Variants in EYS observed in about 807,000 individuals in gnomAD.
EYS encodes the protein EGF-like photoreceptor maintenance factor.
In EYS, 250 loss-of-function variants were observed where a neutral mutation model predicts 282.1. That is an observed-to-expected ratio of 0.89 (90% CI 0.80 to 0.98). The LOEUF is 0.98. Ranked by LOEUF, EYS falls within the 50% of genes least tolerant of loss-of-function variation. The pLI is 0.00. For synonymous variants in EYS, 1,355 were observed against 1,282.9 expected (o/e 1.06, Z -1.20); for missense variants, 4,016 against 3,709.0 (o/e 1.08, Z -2.15).
intron 2 of EYS, among the ~76,000 whole-genome samples, chr6:65,637,236 G>C (rs1438226056): frequency 6.6e-6 from 1 of 152,086 alleles, no homozygotes; most frequent in Non-Finnish European, 1.5e-5. Flanking sequence ...TAAGTTTCTG[G>C]TGAATAATTT....
intron 26 of EYS, among the ~76,000 whole-genome samples, chr6:64,554,582 A>T (rs1765184267): frequency 6.6e-6 from 1 of 152,102 alleles, no homozygotes; most frequent in South Asian, 2.1e-4. Context: ...CAATCAACTG[A>T]GTGAAGAAAC....
chr6:64,486,857 A>T (rs937695901), intron 26 of EYS, among the ~76,000 whole-genome samples: 1 of 151,320 alleles, frequency 6.6e-6, no homozygotes, highest in South Asian at 2.1e-4. Flanking sequence ...TATTCCTAGA[A>T]GTGGAATCTT....
rs550435693 is a variant in EYS at position 64,660,582 on chromosome 6, A to G, written c.3444-34337T>C. Among the ~76,000 whole-genome samples the G allele has an allele frequency of 6.6e-5, 10 of 152,284 alleles. No homozygotes were observed. In the South Asian group the frequency reaches 2.1e-3, roughly 32 times the overall value. On this transcript the variant is annotated intron_variant, in intron 22 of 42. Coordinates refer to ENST00000503581, the MANE Select transcript of EYS (RefSeq NM_001142800.2). ...ATGTGCAAAAATCACTAGCATTCTA[A>G]TACTCCAATAACAGACAGACAGAGA... is the stretch of plus-strand genomic sequence containing the variant.
At chr6:64,331,026 A>G (rs765883601) in intron 29 of EYS, among the ~76,000 whole-genome samples, 4 of 152,186 alleles carry the variant, frequency 2.6e-5, no homozygotes, top group Admixed American at 2.6e-4. Flanking sequence ...AAGCAGCTTC[A>G]TATCTGAAGG....
chr6:64,349,338 C>T (rs1012168177), intron 29 of EYS, among the ~76,000 whole-genome samples: 1 of 151,056 alleles, frequency 6.6e-6, no homozygotes, highest in Non-Finnish European at 1.5e-5. Flanking sequence ...TCTGAGTAAA[C>T]TCTTATTTAT....
intron 26 of EYS, among the ~76,000 whole-genome samples, chr6:64,480,710 G>A (rs1164438774): frequency 6.6e-6 from 1 of 151,796 alleles, no homozygotes; most frequent in Non-Finnish European, 1.5e-5. Context: ...CAGGCAGAAT[G>A]TCATGTAATT....
At chr6:65,371,269 G>C (rs573865794) in intron 8 of EYS, among the ~76,000 whole-genome samples, 2 of 151,598 alleles carry the variant, frequency 1.3e-5, no homozygotes, top group Non-Finnish European at 2.9e-5. Context: ...TAAAGTATAT[G>C]GGAGGATGTA....
At chr6:64,202,919 C>T (rs1479823562) in intron 31 of EYS, among the ~76,000 whole-genome samples, 1 of 152,142 alleles carries the variant, frequency 6.6e-6, no homozygotes, top group African/African-American at 2.4e-5. Context: ...TGTGGCCATG[C>T]CAACACTTCA....
At chr6:65,235,866 C>T (rs1766910089) in intron 12 of EYS, among the ~76,000 whole-genome samples, 1 of 151,814 alleles carries the variant, frequency 6.6e-6, no homozygotes, top group Non-Finnish European at 1.5e-5. Context: ...ATTAATGACT[C>T]TTTAAAGGGA....
chr6:63,832,642 G>C (rs980672214), intron 36 of EYS, among the ~76,000 whole-genome samples: 3 of 152,188 alleles, frequency 2.0e-5, no homozygotes, highest in African/African-American at 7.2e-5. Context: ...GAGGTACAAA[G>C]AGGAGCTGGT....
chr6:65,182,079 G>T (rs1325537125), intron 12 of EYS, among the ~76,000 whole-genome samples: 1 of 151,796 alleles, frequency 6.6e-6, no homozygotes, highest in Non-Finnish European at 1.5e-5. Flanking sequence ...AGGGGGGAGG[G>T]ATAGCATTAG....
intron 31 of EYS, among the ~76,000 whole-genome samples, chr6:64,152,255 C>A (rs1458785570): frequency 6.6e-6 from 1 of 151,930 alleles, no homozygotes; most frequent in African/African-American, 2.4e-5. Context: ...TAATGGTTTC[C>A]AAATATAATG....
chr6:65,691,635 T>A (rs148081537), intron 1 of EYS, among the ~76,000 whole-genome samples: 1,523 of 150,438 alleles, frequency 0.01, 60 homozygotes, highest in African/African-American at 0.034. Flanking sequence ...GCTTTTAGTG[T>A]TTTCGTCATG....
intron 12 of EYS, among the ~76,000 whole-genome samples, chr6:65,174,048 C>T (rs1018468651): frequency 6.6e-6 from 1 of 151,150 alleles, no homozygotes; most frequent in African/African-American, 2.4e-5. Context: ...CACCAACCCA[C>T]ATGATACAAA....
At chr6:64,730,159 T>C (rs967165875) in intron 22 of EYS, among the ~76,000 whole-genome samples, 1 of 152,132 alleles carries the variant, frequency 6.6e-6, no homozygotes, top group Admixed American at 6.5e-5. Context: ...GAAATATCAA[T>C]GAAGCAAGAG....
At chr6:64,013,583 T>C (rs1348358061) in intron 33 of EYS, among the ~76,000 whole-genome samples, 1 of 152,158 alleles carries the variant, frequency 6.6e-6, no homozygotes, top group Non-Finnish European at 1.5e-5. Context: ...AGTGAATTCA[T>C]ATTGTTAGCT....
intron 35 of EYS, among the ~76,000 whole-genome samples, chr6:63,866,977 A>C (rs1220659500): frequency 6.6e-6 from 1 of 152,176 alleles, no homozygotes; most frequent in Non-Finnish European, 1.5e-5. Context: ...CTGGACTCAA[A>C]GGTTTCTCCT....
chr6:65,583,739 A>G lies in EYS; in HGVS notation c.-333+56039T>C, dbSNP rs138686171. On this transcript the variant is annotated intron_variant, in intron 2 of 42. Transcript: ENST00000503581. The stretch of plus-strand genomic sequence containing the variant: ...GCAATTGATGCAATTGGACCTTCCT[A>G]TTATTTTCTTTAAATAATGAAGTTA... Among the ~76,000 whole-genome samples, 790 of 152,140 alleles carry G rather than the reference A, an allele frequency of 5.2e-3. 10 individuals are homozygous for G. The highest frequency in any genetic ancestry group is 0.018 in the African/African-American group (737 of 41,556).
intron 22 of EYS, among the ~76,000 whole-genome samples, chr6:64,697,088 T>A (rs997720296): frequency 6.6e-6 from 1 of 152,156 alleles, no homozygotes; most frequent in South Asian, 2.1e-4. Context: ...CTGGATTTAA[T>A]GCTCCACTTA....
Sources: allele counts gnomAD v4.1 joint callset (sites outside exome capture counted in the v4.1 genomes callset), GRCh38; gene constraint gnomAD v4.1.1; transcripts MANE v1.5; gene names NCBI Gene and HGNC (gene_info 2026-07-23, HGNC 2026-07-21).